MVB12B: variants seen among roughly 807,000 people sequenced by gnomAD.
MVB12B encodes multivesicular body subunit 12B, also known as ESCRT-I complex subunit MVB12B.
MVB12B carries 16 observed loss-of-function variants against 41.6 expected under a neutral mutation model. That is an observed-to-expected ratio of 0.38 (90% CI 0.26 to 0.58). The LOEUF is 0.58. Ranked by LOEUF, MVB12B falls within the 20% of genes least tolerant of loss-of-function variation. The pLI, the probability that MVB12B is intolerant of heterozygous loss-of-function variation, is 0.62. For synonymous variants in MVB12B, 133 were observed against 139.7 expected (o/e 0.95, Z 0.34); for missense variants, 274 against 380.2 (o/e 0.72, Z 2.32).
chr9:126,386,903 C>T lies in MVB12B; in HGVS notation c.409+245C>T, dbSNP rs755834514. ...CTTTCTTTTAGAATGGTGCTCCCTGCTGAATCGGCTCACTGGGGAATGGAA... is the reference window on the plus strand; with the variant it reads ...CTTTCTTTTAGAATGGTGCTCCCTGTTGAATCGGCTCACTGGGGAATGGAA... On this transcript the variant is annotated intron_variant, in intron 4 of 9. Transcript: ENST00000361171. The surrounding 1 kb of genome is among the most constrained non-coding windows in gnomAD (Gnocchi z 4.3). Among the ~76,000 whole-genome samples the T allele has an allele frequency of 2.0e-5, 3 of 152,072 alleles. No individual in the cohort carries two copies. Among genetic ancestry groups the T allele is most frequent in the African/African-American group, 4.8e-5 (2 of 41,374 alleles).
intron 6 of MVB12B, among the ~76,000 whole-genome samples, chr9:126,415,578 C>T (rs956629959): frequency 6.6e-6 from 1 of 152,144 alleles, no homozygotes; most frequent in African/African-American, 2.4e-5. Flanking sequence ...AAGCCATTAA[C>T]CAACCCAGTC....
chr9:126,446,511 C>CAAAA (rs34637951), intron 7 of MVB12B, among the ~76,000 whole-genome samples: 4 of 113,782 alleles, frequency 3.5e-5, no homozygotes, highest in Non-Finnish European at 7.5e-5. Context: ...AAAAGAACAC[C>CAAAA]AAAAAAAAAA....
chr9:126,481,569 C>T (rs1435530898), intron 8 of MVB12B, 145 bp downstream of exon 8: 1 of 706,098 alleles, frequency 1.4e-6, no homozygotes, highest in Non-Finnish European at 2.5e-6. Flanking sequence ...CGTGTCCTCT[C>T]TCCCACTGGA....
At chr9:126,346,983 G>T (rs1356042101) in intron 2 of MVB12B, among the ~76,000 whole-genome samples, 2 of 152,242 alleles carry the variant, frequency 1.3e-5, no homozygotes, top group East Asian at 3.9e-4. Flanking sequence ...TGAGAGTGCA[G>T]ATGGCCTTTG....
chr9:126,340,297 T>C lies in MVB12B; in HGVS notation c.82-211T>C, dbSNP rs1278065481. ...ACAAGCTCTCATCTTAGCTCAGTGT[T>C]CAAAGCTAACCTGAGAAGAGTGGGA... On this transcript the variant is annotated intron_variant, in intron 1 of 9. Transcript: ENST00000361171. The surrounding 1 kb of genome is among the most constrained non-coding windows in gnomAD (Gnocchi z 4.0). Among the ~76,000 whole-genome samples the C allele has an allele frequency of 6.6e-6, 1 of 152,122 alleles. No individual in the cohort carries two copies. The highest frequency in any genetic ancestry group is 2.4e-5 in the African/African-American group (1 of 41,418).
intron 6 of MVB12B, among the ~76,000 whole-genome samples, chr9:126,415,943 C>T (rs1164867690): frequency 6.6e-6 from 1 of 152,124 alleles, no homozygotes; most frequent in Non-Finnish European, 1.5e-5. Flanking sequence ...GGGACAGTGG[C>T]AAGTGCAAAG....
intron 3 of MVB12B, among the ~76,000 whole-genome samples, chr9:126,383,446 T>C (rs1830688183): frequency 6.6e-6 from 1 of 152,270 alleles, no homozygotes; most frequent in South Asian, 2.1e-4. Context: ...ATAATGTACA[T>C]AGATTAGGTA....
In MVB12B at chr9:126,344,509, A is replaced by G. The variant is rs1197895117; in HGVS notation, c.204+3879A>G. Among the ~76,000 whole-genome samples, 3 of 151,992 alleles carry G rather than the reference A, an allele frequency of 2.0e-5. No individual in the cohort carries two copies. The East Asian group carries it at 5.8e-4, about 29-fold the overall frequency. ...CGCCAGCTTTCTCCCCTGCTACCAC[A>G]TGGCGCCTTTTTTGTTGGTGACATC... is the stretch of plus-strand genomic sequence containing the variant. On this transcript the variant is annotated intron_variant, in intron 2 of 9. Coordinates refer to ENST00000361171, the MANE Select transcript of MVB12B (RefSeq NM_033446.3).
At chr9:126,483,858 A>C in intron 8 of MVB12B, 115 bp from the exon 9 acceptor site, 5 of 1,052,024 alleles carry the variant, frequency 4.8e-6, no homozygotes, top group Non-Finnish European at 7.3e-6. Context: ...GAAAGTGGGT[A>C]GAGAAACGCT....
rs531381290 is a variant in MVB12B at position 126,480,979 on chromosome 9, T to G, written c.758-390T>G. Reference sequence around the variant, plus strand: ...TGTCTAATGCACGTGCTTACTGCCTTCATCTCATTGCAGCCTGTCCCTGCC... The same window carrying G: ...TGTCTAATGCACGTGCTTACTGCCTGCATCTCATTGCAGCCTGTCCCTGCC... On this transcript the variant is annotated intron_variant, in intron 7 of 9. Coordinates refer to ENST00000361171, the MANE Select transcript of MVB12B (RefSeq NM_033446.3). The surrounding 1 kb of genome is among the most constrained non-coding windows in gnomAD (Gnocchi z 4.9). The G allele has an allele frequency of 4.6e-6, 1 of 219,120 alleles. No homozygotes were observed. Among genetic ancestry groups the G allele is most frequent in the Non-Finnish European group, 9.0e-6 (1 of 111,068 alleles). The allele number at this position is 219,120 out of a possible 1,614,324, so 13.6% of individuals were successfully genotyped here.
At position 126,436,288 on chromosome 9, in the gene MVB12B, G is replaced by T. The variant is rs1204711210; in HGVS notation, c.757+14340G>T. ...AGATACGCCCTTTGAAACGGGAGCT[G>T]AAGAGTAAATTCTGTGCAGCCGCCT... On this transcript the variant is annotated intron_variant, in intron 7 of 9. Coordinates refer to ENST00000361171, the MANE Select transcript of MVB12B (RefSeq NM_033446.3). This position sits in a 1 kb window ranked among gnomAD's most constrained non-coding sequence, Gnocchi z 4.1. Among the ~76,000 whole-genome samples the T allele has an allele frequency of 6.6e-6, 1 of 152,216 alleles. No individual in the cohort carries two copies. Among genetic ancestry groups the T allele is most frequent in the Non-Finnish European group, 1.5e-5 (1 of 68,044 alleles).
At chr9:126,368,268 C>T (rs1830237677) in intron 2 of MVB12B, among the ~76,000 whole-genome samples, 1 of 152,186 alleles carries the variant, frequency 6.6e-6, no homozygotes. Context: ...GTTTGTGAAT[C>T]CAGGATTTGA....
intron 7 of MVB12B, among the ~76,000 whole-genome samples, chr9:126,441,125 A>G (rs529071522): frequency 1.2e-3 from 178 of 152,306 alleles, no homozygotes; most frequent in Non-Finnish European, 2.3e-3. Context: ...GAGCACAGAA[A>G]ACTTAATAAT....
chr9:126,446,794 A>T, intron 7 of MVB12B, among the ~76,000 whole-genome samples: 1 of 150,698 alleles, frequency 6.6e-6, no homozygotes, highest in Non-Finnish European at 1.5e-5. Context: ...TCCTGATGTT[A>T]TTTTTCTCTC....
At chr9:126,343,115 T>C (rs570646368) in intron 2 of MVB12B, among the ~76,000 whole-genome samples, 20 of 152,308 alleles carry the variant, frequency 1.3e-4, no homozygotes, top group Admixed American at 3.9e-4. Context: ...TTATAAAAAT[T>C]TAATTCAATA....
rs1829201836 is a variant in MVB12B at position 126,333,868 on chromosome 9, TCC to T, written c.82-6639_82-6638del. Among the ~76,000 whole-genome samples the T allele has an allele frequency of 3.3e-5, 5 of 151,988 alleles. No homozygotes were observed. Among genetic ancestry groups the T allele is most frequent in the African/African-American group, 1.2e-4 (5 of 41,356 alleles). On this transcript the variant is annotated intron_variant, in intron 1 of 9. Coordinates refer to ENST00000361171, the MANE Select transcript of MVB12B (RefSeq NM_033446.3). This position sits in a 1 kb window ranked among gnomAD's most constrained non-coding sequence, Gnocchi z 4.7. ...TTCCATCCATCCATCCATCCATCCA[TCC>T]ATCCATCCATCCATCCATTCGTTCA...
chr9:126,370,409 G>A (rs1162466987), intron 2 of MVB12B, among the ~76,000 whole-genome samples: 5 of 145,354 alleles, frequency 3.4e-5, no homozygotes, highest in African/African-American at 1.0e-4. Context: ...CCCAGACAGA[G>A]TCTCGTTCTG....
intron 7 of MVB12B, among the ~76,000 whole-genome samples, chr9:126,458,900 C>T (rs1452934572): frequency 6.6e-6 from 1 of 151,994 alleles, no homozygotes; most frequent in East Asian, 1.9e-4. Flanking sequence ...GGAGAGAGAC[C>T]GAAAAAACAC....
chr9:126,350,120 A>G (rs1829707786), intron 2 of MVB12B, among the ~76,000 whole-genome samples: 1 of 151,992 alleles, frequency 6.6e-6, no homozygotes, highest in Non-Finnish European at 1.5e-5. Flanking sequence ...TCATGTGCTT[A>G]TTTGCCATCT....
Sources: allele counts gnomAD v4.1 joint callset (sites outside exome capture counted in the v4.1 genomes callset), GRCh38; gene constraint gnomAD v4.1.1; non-coding constraint Gnocchi (gnomAD v3.1); transcripts MANE v1.5; gene names NCBI Gene and HGNC (gene_info 2026-07-23, HGNC 2026-07-21).